The following ABCC2 variants were observed in gnomAD, a reference collection of about 807,000 sequenced individuals.
ABCC2 encodes ATP-binding cassette sub-family C member 2.
ABCC2 carries 157 observed loss-of-function variants against 173.4 expected under a neutral mutation model. The ratio of observed to expected loss-of-function variants is 0.91; its 90% CI spans 0.80 to 1.03. The LOEUF is 1.03. Ranked by LOEUF, ABCC2 falls within the 50% of genes least tolerant of loss-of-function variation. The pLI, the probability that ABCC2 is intolerant of heterozygous loss-of-function variation, is 0.00. For synonymous variants in ABCC2, 657 were observed against 693.5 expected (o/e 0.95, Z 0.83); for missense variants, 1,822 against 1,852.3 (o/e 0.98, Z 0.30).
rs2133146848 is a variant in ABCC2, at chr10:99,844,387, C to T, written c.3909C>T (p.Asn1303=). The T allele has an allele frequency of 2.5e-6, 4 of 1,614,238 alleles. No homozygotes were observed. The highest frequency in any genetic ancestry group is 1.3e-5 in the African/African-American group (1 of 75,060). Residue 1303 remains asparagine (N), a synonymous_variant, in exon 28 of 32, where the codon AAC becomes AAT. Transcript: ENST00000647814. ...CCAGCAAAGGCAAGATCCAGTTTAA[C>T]AACTACCAAGTGCGGTACCGACCTG... The part of the protein sequence containing the change: ...DWPSKGKIQF[N]NYQVRYRPEL...
chr10:99,805,480 G>T, intron 11 of ABCC2, 33 bp downstream of exon 11: 1 of 1,602,972 alleles, frequency 6.2e-7, no homozygotes, highest in East Asian at 2.2e-5. Context: ...CTCTCTGTGG[G>T]TAAGGACAGA....
rs55940580 is a variant in ABCC2 at position 99,832,402 on chromosome 10, C to CTGTGTGT, written c.3258+271_3258+272insTGTGTGT. Among the ~76,000 whole-genome samples the CTGTGTGT allele has an allele frequency of 0.55, 83,626 of 151,758 alleles. 23,444 individuals carry two copies. Among genetic ancestry groups the CTGTGTGT allele is most frequent in the East Asian group, 0.78 (4,029 of 5,138 alleles). On this transcript the variant is annotated intron_variant, in intron 23 of 31. Coordinates refer to ENST00000647814, the MANE Select transcript of ABCC2 (RefSeq NM_000392.5). The stretch of plus-strand genomic sequence containing the variant: ...TAATAGAATATAGTAAAACCAGTAA[C>CTGTGTGT]AGCAGTGTGTAGAAAGGTGGTCTGG...
At chr10:99,809,275 C>A (rs2038168318) in intron 13 of ABCC2, among the ~76,000 whole-genome samples, 1 of 152,166 alleles carries the variant, frequency 6.6e-6, no homozygotes, top group South Asian at 2.1e-4. Flanking sequence ...ATCACTTGAA[C>A]CTGGGAGGTG....
At chr10:99,849,756 T>C (rs2039063647) in intron 30 of ABCC2, among the ~76,000 whole-genome samples, 1 of 152,244 alleles carries the variant, frequency 6.6e-6, no homozygotes, top group African/African-American at 2.4e-5. Flanking sequence ...GGGTGACTTC[T>C]CATCTCCTGC....
chr10:99,827,001 CTTGAT>C (rs1160427950), intron 19 of ABCC2, among the ~76,000 whole-genome samples: 8 of 151,698 alleles, frequency 5.3e-5, no homozygotes, highest in African/African-American at 9.7e-5. Flanking sequence ...TCCTTCCTTT[CTTGAT>C]TTATCAATAA....
At chr10:99,789,709 C>CAAAAAA (rs11412117) in intron 2 of ABCC2, among the ~76,000 whole-genome samples, 1 of 98,282 alleles carries the variant, frequency 1.0e-5, no homozygotes, top group Non-Finnish European at 2.0e-5. Flanking sequence ...AACTCCGTCT[C>CAAAAAA]AAAAAAAAAA....
At position 99,829,181 on chromosome 10, in the gene ABCC2, C is replaced by G. The variant is rs553579355; in HGVS notation, c.2621-1126C>G. Among the ~76,000 whole-genome samples the G allele has an allele frequency of 1.6e-3, 251 of 152,244 alleles. 1 individual carries two copies. Among genetic ancestry groups the G allele is most frequent in the Non-Finnish European group, 3.1e-3 (213 of 68,024 alleles). Reference sequence around the variant, plus strand: ...CCAGATAGGTGAGATAATGTCAGTTCTCCAGGGATGGGGTTTTTGGGAGCA... The same window carrying G: ...CCAGATAGGTGAGATAATGTCAGTTGTCCAGGGATGGGGTTTTTGGGAGCA... On this transcript the variant is annotated intron_variant, in intron 19 of 31. Coordinates refer to ENST00000647814, the MANE Select transcript of ABCC2 (RefSeq NM_000392.5).
At chr10:99,830,221 G>A in intron 19 of ABCC2, 86 bp from the exon 20 acceptor site, 2 of 1,568,732 alleles carry the variant, frequency 1.3e-6, no homozygotes, top group Non-Finnish European at 1.8e-6. Context: ...AAACCAGCAA[G>A]ATCAGAGGAG....
Position 99,834,481 on chromosome 10 carries a change from T to C in ABCC2, c.3360T>C (p.Thr1120=). 1 of 1,614,214 alleles carries C rather than the reference T, an allele frequency of 6.2e-7. No individual in the cohort carries two copies. Among genetic ancestry groups the C allele is most frequent in the Non-Finnish European group, 8.5e-7 (1 of 1,180,014 alleles). Residue 1120 remains threonine (T), a synonymous_variant, in exon 24 of 32, where the codon ACT becomes ACC. Transcript: ENST00000647814. ...CCCTTGTCATGATCTGCATGGCCAC[T>C]CCTGTCTTCACCATCATCGTCATTC... is the stretch of plus-strand genomic sequence containing the variant. ...ISTLVMICMA[T]PVFTIIVIPL... is the part of the protein sequence containing the mutation.
intron 28 of ABCC2, among the ~76,000 whole-genome samples, chr10:99,844,740 A>G (rs2038994244): frequency 6.6e-6 from 1 of 152,186 alleles, no homozygotes; most frequent in African/African-American, 2.4e-5. Flanking sequence ...TAAGGTCCAC[A>G]GTATGCAGAG....
chr10:99,805,462 G>T lies in ABCC2; in HGVS notation c.1530+15G>T. 1 of 1,612,954 alleles carries T rather than the reference G, an allele frequency of 6.2e-7. No individual in the cohort carries two copies. The highest frequency in any genetic ancestry group is 1.3e-5 in the African/African-American group (1 of 74,990). On this transcript the variant is annotated intron_variant, in intron 11 of 31. Transcript: ENST00000647814. ...GTGGAATCAAGGTGAGAATCTGAGC[G>T]TAGGTGGCTCTCTGTGGGTAAGGAC...
intron 16 of ABCC2, among the ~76,000 whole-genome samples, chr10:99,814,106 C>CACATATATATACACAT (rs1564682993): frequency 0.016 from 1,010 of 63,470 alleles, 113 homozygotes; most frequent in African/African-American, 0.053. Context: ...TATATACACA[C>CACATATATATACACAT]ATATGTGTAT....
intron 15 of ABCC2, among the ~76,000 whole-genome samples, chr10:99,812,105 G>A (rs1458633096): frequency 6.6e-6 from 1 of 152,188 alleles, no homozygotes; most frequent in Non-Finnish European, 1.5e-5. Context: ...TACACCAGGA[G>A]GCTGAATAGG....
Position 99,782,825 on chromosome 10 carries a change from C to G in ABCC2, c.-20C>G. 1 of 1,613,770 alleles carries G rather than the reference C, an allele frequency of 6.2e-7. No homozygotes were observed. The highest frequency in any genetic ancestry group is 1.3e-5 in the African/African-American group (1 of 75,050). ...TCATATTAATAGAAGAGTCTTCGTT[C>G]CAGACGCAGTCCAGGAATCATGCTG... On this transcript the variant is annotated 5_prime_UTR_variant, in exon 1 of 32. Transcript: ENST00000647814.
intron 19 of ABCC2, among the ~76,000 whole-genome samples, chr10:99,822,444 C>T (rs1373310532): frequency 6.6e-6 from 1 of 151,648 alleles, no homozygotes; most frequent in East Asian, 1.9e-4. Context: ...TCCGTCTCCG[C>T]GGAGGTGCTT....
intron 26 of ABCC2, 102 bp from the exon 27 acceptor site, chr10:99,843,697 C>A: frequency 1.1e-6 from 1 of 942,188 alleles, no homozygotes; most frequent in Non-Finnish European, 1.8e-6. Flanking sequence ...GAGTCCAGCA[C>A]AGTGCTGGGT....
chr10:99,830,232 G>A (rs2038714010), intron 19 of ABCC2, 75 bp from the exon 20 acceptor site: 11 of 1,583,638 alleles, frequency 6.9e-6, no homozygotes, highest in Non-Finnish European at 9.5e-6. Context: ...ATCAGAGGAG[G>A]CTTCTCTCTC....
At chr10:99,786,601 T>C (rs1309674214) in intron 2 of ABCC2, among the ~76,000 whole-genome samples, 1 of 152,282 alleles carries the variant, frequency 6.6e-6, no homozygotes, top group East Asian at 1.9e-4. Context: ...ATGCTGTGGC[T>C]CACGCCTGTA....
At chr10:99,839,517 A>AC (rs2038901121) in intron 25 of ABCC2, among the ~76,000 whole-genome samples, 1 of 11,220 alleles carries the variant, frequency 8.9e-5, no homozygotes, top group Non-Finnish European at 1.5e-4. Context: ...CGGGGGGCTG[A>AC]CCCCCCACCT....
Sources: allele counts gnomAD v4.1 joint callset (sites outside exome capture counted in the v4.1 genomes callset), GRCh38; gene constraint gnomAD v4.1.1; transcripts MANE v1.5; gene names NCBI Gene and HGNC (gene_info 2026-07-23, HGNC 2026-07-21).